Variants in HECW2 observed in about 807,000 individuals in gnomAD.
The protein encoded by HECW2 is E3 ubiquitin-protein ligase HECW2.
Under a neutral mutation model 175.2 loss-of-function variants are expected in HECW2, and 61 were observed. The observed-to-expected ratio is 0.35, with a 90% CI of 0.28 to 0.43. The LOEUF (loss-of-function observed/expected upper bound fraction) is 0.43. Ranked by LOEUF, HECW2 falls within the 20% of genes least tolerant of loss-of-function variation. The pLI, the probability that HECW2 is intolerant of heterozygous loss-of-function variation, is 1.00. For synonymous variants in HECW2, 671 were observed against 731.0 expected, an observed-to-expected ratio of 0.92 and a Z score of 1.32; for missense variants, 1,524 against 2,000.5, an observed-to-expected ratio of 0.76 and a Z score of 4.54.
At chr2:196,325,237 C>A in intron 5 of HECW2, 88 bp from the exon 6 acceptor site, 1 of 959,446 alleles carries the variant, frequency 1.0e-6, no homozygotes, top group Admixed American at 2.6e-5. Flanking sequence ...GAACAAGGGA[C>A]AGAAGAAGGA....
At chr2:196,476,719 T>G (rs1432427689) in intron 1 of HECW2, among the ~76,000 whole-genome samples, 1 of 151,996 alleles carries the variant, frequency 6.6e-6, no homozygotes, top group African/African-American at 2.4e-5. Flanking sequence ...TGGTTTTATA[T>G]TGTGACAATT....
chr2:196,366,199 T>C (rs1385216878), intron 2 of HECW2, among the ~76,000 whole-genome samples: 1 of 152,162 alleles, frequency 6.6e-6, no homozygotes, highest in Non-Finnish European at 1.5e-5. Flanking sequence ...AGAGGGAGAT[T>C]TCCCAGAACC....
chr2:196,264,482 A>C (rs1689432428), intron 17 of HECW2, among the ~76,000 whole-genome samples: 1 of 152,250 alleles, frequency 6.6e-6, no homozygotes, highest in African/African-American at 2.4e-5. Flanking sequence ...ATTAGCAAAA[A>C]AACACAATAC....
rs1694080779 is a variant in HECW2, at chr2:196,377,387, T to C, written c.293-33623A>G. 1.3e-5 allele frequency among the ~76,000 whole-genome samples: 2 copies of C among 152,194 alleles called. 1 individual carries two copies. On this transcript the variant is annotated intron_variant, in intron 2 of 28. Transcript: ENST00000644978. ...AAAGACATACCCGAAACTGGGTAAT[T>C]AGTAAAGGAAAGAGGTTTAACTGAC...
intron 19 of HECW2, among the ~76,000 whole-genome samples, chr2:196,249,078 T>C (rs141221544): frequency 2.2e-3 from 336 of 152,196 alleles, no homozygotes; most frequent in African/African-American, 7.6e-3. Flanking sequence ...TTTCAGCAAA[T>C]AGGGGGTCAA....
intron 1 of HECW2, among the ~76,000 whole-genome samples, chr2:196,580,654 C>CAA (rs56875271): frequency 7.6e-5 from 7 of 91,958 alleles, no homozygotes; most frequent in Non-Finnish European, 7.2e-5. Context: ...GCTACAATGG[C>CAA]AAAAAAAAAA....
In HECW2 at chr2:196,553,610, A is replaced by C. The variant is rs76362407; in HGVS notation, c.-36+39898T>G. ...ATCAGGCTCCTCAGCAGGATGAAGC[A>C]GTGACCAAGAAAACATGGTAGAAAA... On this transcript the variant is annotated intron_variant, in intron 1 of 28. Coordinates refer to ENST00000644978, the MANE Select transcript of HECW2 (RefSeq NM_001348768.2). Among the ~76,000 whole-genome samples the C allele has an allele frequency of 3.6e-3, 545 of 152,372 alleles. 4 individuals carry two copies. The highest frequency in any genetic ancestry group is 0.013 in the African/African-American group (523 of 41,590).
chr2:196,486,094 T>A (rs1158197703), intron 1 of HECW2, among the ~76,000 whole-genome samples: 2 of 152,120 alleles, frequency 1.3e-5, no homozygotes, highest in East Asian at 3.9e-4. Flanking sequence ...GTGGGTTTTG[T>A]AAAGGGTCTG....
At chr2:196,559,309 T>C (rs571789973) in intron 1 of HECW2, among the ~76,000 whole-genome samples, 15 of 152,034 alleles carry the variant, frequency 9.9e-5, no homozygotes, top group African/African-American at 3.4e-4. Flanking sequence ...CCCATCAGAG[T>C]CCTACCTGAC....
At chr2:196,298,230 TG>T in intron 13 of HECW2, among the ~76,000 whole-genome samples, 1 of 152,182 alleles carries the variant, frequency 6.6e-6, no homozygotes, top group Non-Finnish European at 1.5e-5. Context: ...ATAAAAGACA[TG>T]GCACTAATAA....
At chr2:196,423,082 C>T (rs1002277516) in intron 2 of HECW2, among the ~76,000 whole-genome samples, 4 of 152,210 alleles carry the variant, frequency 2.6e-5, no homozygotes, top group East Asian at 1.9e-4. Flanking sequence ...CATTGTGTCA[C>T]TTTAAACTGG....
chr2:196,297,616 A>G (rs1156944725), intron 13 of HECW2, among the ~76,000 whole-genome samples: 1 of 152,188 alleles, frequency 6.6e-6, no homozygotes, highest in Admixed American at 6.5e-5. Context: ...TTGTTTTCAA[A>G]ACATAGTTAA....
At chr2:196,256,745 C>A (rs980229791) in intron 18 of HECW2, among the ~76,000 whole-genome samples, 1 of 152,182 alleles carries the variant, frequency 6.6e-6, no homozygotes, top group Admixed American at 6.5e-5. Flanking sequence ...TCCTGACCAC[C>A]TAGCATACTA....
intron 1 of HECW2, among the ~76,000 whole-genome samples, chr2:196,518,653 T>TC (rs768269404): frequency 1.6e-4 from 10 of 63,320 alleles, no homozygotes; most frequent in Admixed American, 1.4e-3. Flanking sequence ...AGATTCTGTC[T>TC]CAAAAAAAAA....
chr2:196,348,397 C>G (rs1482644937), intron 2 of HECW2, among the ~76,000 whole-genome samples: 1 of 152,082 alleles, frequency 6.6e-6, no homozygotes, highest in African/African-American at 2.4e-5. Context: ...CATCCTAACA[C>G]TTCAGTAGGA....
chr2:196,269,552 T>C (rs1279294172), intron 17 of HECW2: 1 of 148,576 alleles, frequency 6.7e-6, no homozygotes, highest in East Asian at 2.0e-4. Flanking sequence ...GTGAGTATAT[T>C]TGGTAATTTA....
chr2:196,479,002 G>A (rs1271864825), intron 1 of HECW2, among the ~76,000 whole-genome samples: 1 of 152,166 alleles, frequency 6.6e-6, no homozygotes, highest in Non-Finnish European at 1.5e-5. Flanking sequence ...CAACAAGAGG[G>A]GTACATAATT....
intron 2 of HECW2, among the ~76,000 whole-genome samples, chr2:196,349,264 A>C (rs1057027785): frequency 1.3e-5 from 2 of 152,182 alleles, no homozygotes; most frequent in African/African-American, 4.8e-5. Context: ...ACTAGGATTA[A>C]AGTGTCTGTT....
At chr2:196,408,852 C>G (rs986302614) in intron 2 of HECW2, among the ~76,000 whole-genome samples, 1 of 152,158 alleles carries the variant, frequency 6.6e-6, no homozygotes, top group African/African-American at 2.4e-5. Flanking sequence ...TGAAACAAGT[C>G]CTTCTCTTAA....
Sources: gnomAD v4.1 joint callset for allele counts (sites outside exome capture counted in the v4.1 genomes callset) on GRCh38, gnomAD v4.1.1 for gene constraint, MANE v1.5 for transcripts, NCBI Gene and HGNC (gene_info 2026-07-23, HGNC 2026-07-21) for gene names.